Variants in MYBPC1 observed in about 807,000 individuals in gnomAD.
MYBPC1 encodes the protein myosin binding protein C1, also known as myosin-binding protein C, slow-type.
A neutral mutation model predicts 147.1 loss-of-function variants in MYBPC1; 52 were observed. The observed-to-expected ratio is 0.35, with a 90% CI of 0.28 to 0.45. MYBPC1 has a LOEUF of 0.45. Ranked by LOEUF, MYBPC1 falls within the 20% of genes least tolerant of loss-of-function variation. The pLI is 1.00. For synonymous variants in MYBPC1, 477 were observed against 475.9 expected (o/e 1.00, Z -0.03); for missense variants, 1,228 against 1,440.3 (o/e 0.85, Z 2.39).
At chr12:101,665,868 T>C (rs1897322496) in intron 22 of MYBPC1, among the ~76,000 whole-genome samples, 1 of 152,226 alleles carries the variant, frequency 6.6e-6, no homozygotes, top group Non-Finnish European at 1.5e-5. Flanking sequence ...TAAAGATGTA[T>C]CTCTTTTTCA....
At chr12:101,683,610 G>C (rs1314625598) in intron 30 of MYBPC1, among the ~76,000 whole-genome samples, 2 of 152,082 alleles carry the variant, frequency 1.3e-5, no homozygotes, top group African/African-American at 4.8e-5. Flanking sequence ...ATTACAAAAT[G>C]TATCAAGCAA....
chr12:101,616,315 G>C (rs1178811923), intron 2 of MYBPC1, among the ~76,000 whole-genome samples: 1 of 152,106 alleles, frequency 6.6e-6, no homozygotes, highest in African/African-American at 2.4e-5. Context: ...AGTACACTGA[G>C]AACCTACTGG....
intron 24 of MYBPC1, among the ~76,000 whole-genome samples, chr12:101,670,861 T>G (rs1898509022): frequency 6.6e-6 from 1 of 152,166 alleles, no homozygotes; most frequent in South Asian, 2.1e-4. Context: ...AACTGAAATT[T>G]GAAATAACGA....
Position 101,681,645 on chromosome 12 carries a change from G to T in MYBPC1, c.3434-959G>T, listed in dbSNP as rs1471997311. 4.2e-5 allele frequency among the ~76,000 whole-genome samples: 4 copies of T among 95,228 alleles called. No homozygotes were observed. In the Admixed American group the frequency reaches 6.4e-4, roughly 15 times the overall value. 62.5% of individuals were successfully genotyped at this position (95,228 alleles called of 152,430 possible). A position where few individuals can be genotyped will look rare whatever the true frequency, so the allele number is the denominator to read the frequency against. The stretch of plus-strand genomic sequence containing the variant: ...TTTTTTTGAGACAAGGTCTTGCTCT[G>T]TCACCCAGGCTGGAGTGGAAGGGTG... On this transcript the variant is annotated intron_variant, in intron 29 of 31. Coordinates refer to ENST00000361466, the MANE Select transcript of MYBPC1 (RefSeq NM_002465.4).
At chr12:101,648,245 C>A in intron 14 of MYBPC1, 95 bp downstream of exon 14, 2 of 851,534 alleles carry the variant, frequency 2.3e-6, no homozygotes, top group South Asian at 1.4e-5. Context: ...GCTTTTAAAC[C>A]TTTGAAAACA....
At chr12:101,677,454 A>T in intron 27 of MYBPC1, 60 bp downstream of exon 27, 2 of 1,596,484 alleles carry the variant, frequency 1.3e-6, no homozygotes, top group Non-Finnish European at 1.7e-6. Flanking sequence ...GACAGAGAAG[A>T]CTGGAAAAAG....
At chr12:101,624,427 T>C (rs1888086324) in intron 3 of MYBPC1, among the ~76,000 whole-genome samples, 1 of 152,182 alleles carries the variant, frequency 6.6e-6, no homozygotes, top group Non-Finnish European at 1.5e-5. Flanking sequence ...ATGTATTTCC[T>C]GTATCCTGCT....
chr12:101,635,619 A>T (rs1422472307), intron 9 of MYBPC1, among the ~76,000 whole-genome samples: 2 of 152,202 alleles, frequency 1.3e-5, no homozygotes, highest in Non-Finnish European at 2.9e-5. Flanking sequence ...CATACTGTAT[A>T]CAAGTATATC....
intron 17 of MYBPC1, 144 bp from the exon 18 acceptor site, chr12:101,652,971 C>T: frequency 8.2e-7 from 1 of 1,226,306 alleles, no homozygotes; most frequent in Non-Finnish European, 1.2e-6. Flanking sequence ...TTGCAAGGTG[C>T]CAGGCACCAA....
At chr12:101,695,482 G>A in the MYBPC1 span, among the ~76,000 whole-genome samples, 10 of 152,170 alleles carry the variant, frequency 6.6e-5, no homozygotes, top group Non-Finnish European at 7.3e-5. Flanking sequence ...TTGACTGTGG[G>A]TATCTAAAAC....
intron 7 of MYBPC1, 142 bp from the exon 8 acceptor site, chr12:101,631,879 T>A: frequency 7.6e-7 from 1 of 1,323,404 alleles, no homozygotes; most frequent in Non-Finnish European, 1.1e-6. Flanking sequence ...CCCGGCTGTG[T>A]CCGGGGGCTA....
intron 3 of MYBPC1, among the ~76,000 whole-genome samples, chr12:101,618,352 C>A (rs1300177636): frequency 6.6e-6 from 1 of 152,152 alleles, no homozygotes; most frequent in Non-Finnish European, 1.5e-5. Flanking sequence ...GAATACTAAT[C>A]CTGGCCACGT....
At chr12:101,654,475 C>G (rs1346977284) in intron 18 of MYBPC1, among the ~76,000 whole-genome samples, 1 of 152,078 alleles carries the variant, frequency 6.6e-6, no homozygotes, top group Non-Finnish European at 1.5e-5. Context: ...GGCAGTGGCA[C>G]AAGGAAGAAA....
intron 11 of MYBPC1, 33 bp downstream of exon 11, chr12:101,642,618 GGGGCGT>G: frequency 6.3e-7 from 1 of 1,591,566 alleles, no homozygotes; most frequent in Non-Finnish European, 8.5e-7. Flanking sequence ...CAGCGGCCGA[GGGGCGT>G]GGCAGCGTTC....
intron 27 of MYBPC1, 108 bp from the exon 28 acceptor site, chr12:101,677,993 GT>G: frequency 7.4e-7 from 1 of 1,353,130 alleles, no homozygotes; most frequent in African/African-American, 1.4e-5. Flanking sequence ...CTTTGTCCAT[GT>G]TTTTCTAAGT....
intron 1 of MYBPC1, 68 bp from the exon 2 acceptor site, chr12:101,614,428 G>A: frequency 6.3e-7 from 1 of 1,579,784 alleles, no homozygotes; most frequent in Non-Finnish European, 8.7e-7. Context: ...AGCTGCCTGG[G>A]GCTGTAGAAA....
intron 1 of MYBPC1, among the ~76,000 whole-genome samples, chr12:101,600,946 C>T (rs1437212440): frequency 6.6e-6 from 1 of 152,080 alleles, no homozygotes; most frequent in African/African-American, 2.4e-5. Context: ...GTTATTATTC[C>T]ATGTTAGTTC....
At chr12:101,664,846 A>G (rs778740181) in intron 22 of MYBPC1, among the ~76,000 whole-genome samples, 5 of 152,220 alleles carry the variant, frequency 3.3e-5, no homozygotes, top group Non-Finnish European at 5.9e-5. Flanking sequence ...GGATAGTGTC[A>G]CTAATGCAAC....
chr12:101,647,808 A>AC (rs1230982794), intron 13 of MYBPC1, among the ~76,000 whole-genome samples: 1 of 152,056 alleles, frequency 6.6e-6, no homozygotes, highest in Admixed American at 6.6e-5. Flanking sequence ...AATTGCTTGA[A>AC]CCTAGGGGGT....
Sources: gnomAD v4.1 joint callset for allele counts (sites outside exome capture counted in the v4.1 genomes callset) on GRCh38, gnomAD v4.1.1 for gene constraint, MANE v1.5 for transcripts, NCBI Gene and HGNC (gene_info 2026-07-23, HGNC 2026-07-21) for gene names.